Variants in NSG2 observed in about 807,000 individuals in gnomAD.
NSG2 encodes the protein neuronal vesicle trafficking associated 2.
NSG2 carries 4 observed loss-of-function variants against 16.9 expected under a neutral mutation model. That is an observed-to-expected ratio of 0.24 (90% CI 0.12 to 0.54). The LOEUF (loss-of-function observed/expected upper bound fraction) is 0.54, where lower values mean the gene tolerates loss of function less well. Ranked by LOEUF, NSG2 falls within the 20% of genes least tolerant of loss-of-function variation. The pLI, the probability that NSG2 is intolerant of heterozygous loss-of-function variation, is 0.95. For missense variants in NSG2, 179 were observed against 221.1 expected, an observed-to-expected ratio of 0.81 and a Z score of 1.21; for synonymous variants, 98 against 88.7, an observed-to-expected ratio of 1.11 and a Z score of -0.59.
chr5:174,092,980 A>G (rs1056377905), intron 3 of NSG2, among the ~76,000 whole-genome samples: 7 of 152,164 alleles, frequency 4.6e-5, no homozygotes. Context: ...TTCCTTTTGG[A>G]TTTTCAATAT....
At chr5:174,084,756 A>G (rs980458362) in intron 3 of NSG2, among the ~76,000 whole-genome samples, 1 of 152,202 alleles carries the variant, frequency 6.6e-6, no homozygotes, top group African/African-American at 2.4e-5. Context: ...TCACAGTTGA[A>G]TAAGCACACA....
intron 3 of NSG2, among the ~76,000 whole-genome samples, chr5:174,067,131 A>G (rs1216460421): frequency 6.6e-6 from 1 of 152,190 alleles, no homozygotes; most frequent in Non-Finnish European, 1.5e-5. Context: ...ATGAAAAATT[A>G]CAAATAAATG....
At chr5:174,094,694 C>T (rs1458887764) in intron 3 of NSG2, among the ~76,000 whole-genome samples, 3 of 152,208 alleles carry the variant, frequency 2.0e-5, no homozygotes, top group Non-Finnish European at 4.4e-5. Context: ...ACTAAGGATT[C>T]TTCCAGCATC....
At chr5:174,063,709 T>G (rs1422151681) in intron 2 of NSG2, among the ~76,000 whole-genome samples, 3 of 152,078 alleles carry the variant, frequency 2.0e-5, no homozygotes, top group Admixed American at 6.6e-5. Flanking sequence ...TCCCCTCCAT[T>G]TATCCTTTGA....
At chr5:174,049,435 ACGCG>A (rs376007779) in intron 2 of NSG2, among the ~76,000 whole-genome samples, 3,546 of 120,702 alleles carry the variant, frequency 0.029, 56 homozygotes, top group Middle Eastern at 0.059. Flanking sequence ...CTATATGTGC[ACGCG>A]CACGTGCACA....
chr5:174,089,679 G>A (rs1016715695), intron 3 of NSG2, among the ~76,000 whole-genome samples: 1 of 152,064 alleles, frequency 6.6e-6, no homozygotes, highest in Non-Finnish European at 1.5e-5. Context: ...AGGCTGGGGT[G>A]CACGACTCAC....
chr5:174,068,692 G>A (rs1760185185), intron 3 of NSG2, among the ~76,000 whole-genome samples: 1 of 150,856 alleles, frequency 6.6e-6, no homozygotes, highest in Non-Finnish European at 1.5e-5. Flanking sequence ...GCTATGGAAG[G>A]TGCTGGTGCT....
chr5:174,051,101 C>T (rs569427305), intron 2 of NSG2, among the ~76,000 whole-genome samples: 38 of 152,248 alleles, frequency 2.5e-4, no homozygotes, highest in African/African-American at 7.2e-4. Flanking sequence ...TCCATGGGGG[C>T]GATTCTCTCT....
intron 2 of NSG2, among the ~76,000 whole-genome samples, chr5:174,057,617 A>G (rs1759985863): frequency 6.6e-6 from 1 of 152,176 alleles, no homozygotes; most frequent in Non-Finnish European, 1.5e-5. Context: ...TGTGCCTGAA[A>G]TGCATACCTG....
chr5:174,063,888 G>GA (rs1456804743), intron 2 of NSG2, among the ~76,000 whole-genome samples: 2 of 152,050 alleles, frequency 1.3e-5, no homozygotes, highest in African/African-American at 4.8e-5. Flanking sequence ...GAAAATTGGA[G>GA]AAAAATATAG....
chr5:174,064,699 G>T (rs142474580), intron 3 of NSG2, among the ~76,000 whole-genome samples: 1 of 152,026 alleles, frequency 6.6e-6, no homozygotes, highest in Non-Finnish European at 1.5e-5. Flanking sequence ...AAACAAAGGT[G>T]GGGGGAAGAA....
chr5:174,087,677 T>A (rs1243216313), intron 3 of NSG2, among the ~76,000 whole-genome samples: 1 of 151,734 alleles, frequency 6.6e-6, no homozygotes, highest in Non-Finnish European at 1.5e-5. Flanking sequence ...GTCCTCCTAC[T>A]TGCAGGAGGC....
chr5:174,081,073 T>G (rs558139540), intron 3 of NSG2, among the ~76,000 whole-genome samples: 3 of 152,138 alleles, frequency 2.0e-5, no homozygotes, highest in Non-Finnish European at 4.4e-5. Context: ...TAAAAATGCT[T>G]TTGAATTTTG....
At chr5:174,084,905 T>C (rs941267417) in intron 3 of NSG2, among the ~76,000 whole-genome samples, 15 of 152,200 alleles carry the variant, frequency 9.9e-5, no homozygotes, top group African/African-American at 3.6e-4. Context: ...CACTCCTGTG[T>C]CTACTGGATA....
At chr5:174,103,616 C>G (rs1232152225) in intron 3 of NSG2, among the ~76,000 whole-genome samples, 1 of 152,058 alleles carries the variant, frequency 6.6e-6, no homozygotes, top group African/African-American at 2.4e-5. Context: ...ACATAGTTAT[C>G]AGGAAAAGGA....
chr5:174,050,538 A>G (rs1252470136), intron 2 of NSG2, among the ~76,000 whole-genome samples: 1 of 152,170 alleles, frequency 6.6e-6, no homozygotes, highest in Non-Finnish European at 1.5e-5. Flanking sequence ...AACTTTACAG[A>G]TGAAGAGTGG....
chr5:174,106,218 G>A (rs1284813020), intron 4 of NSG2, among the ~76,000 whole-genome samples: 5 of 152,066 alleles, frequency 3.3e-5, no homozygotes, highest in South Asian at 2.1e-4. Context: ...AGGCTTCTTC[G>A]GATCTATCTT....
intron 1 of NSG2, among the ~76,000 whole-genome samples, chr5:174,046,385 G>C (rs1252500929): frequency 6.6e-6 from 1 of 151,990 alleles, no homozygotes; most frequent in Non-Finnish European, 1.5e-5. Context: ...ACTTCATTTT[G>C]CACTAAGTAT....
chr5:174,064,270 G>A lies in NSG2; in HGVS notation c.168G>A (p.Gln56=), dbSNP rs750652527. 1.2e-6 allele frequency: 2 copies of A among 1,612,156 alleles called. No individual in the cohort carries two copies. The highest frequency in any genetic ancestry group is 1.7e-6 in the Non-Finnish European group (2 of 1,178,858). The change falls in exon 3 of 5, where the codon CAG becomes CAA. Residue 56 remains glutamine (Q), a synonymous_variant. Transcript: ENST00000303177. ...VKTRTEYQPE[Q]KNKGKFRVPK... is the part of the protein sequence containing the mutation. ...CAAGAACGGAATATCAGCCGGAACA[G>A]AAGAACAAAGGGAAGTTCCGGGTGC...
Sources: gnomAD v4.1 joint callset for allele counts (sites outside exome capture counted in the v4.1 genomes callset) on GRCh38, gnomAD v4.1.1 for gene constraint, MANE v1.5 for transcripts, NCBI Gene and HGNC (gene_info 2026-07-23, HGNC 2026-07-21) for gene names.